DCC: variants seen among roughly 807,000 people sequenced by gnomAD.
DCC encodes DCC netrin 1 receptor, also known as netrin receptor DCC.
In DCC, 58 loss-of-function variants were observed where a neutral mutation model predicts 172.5. The ratio of observed to expected loss-of-function variants is 0.34; its 90% CI spans 0.27 to 0.42. The LOEUF (loss-of-function observed/expected upper bound fraction) is 0.42, where lower values mean the gene tolerates loss of function less well. DCC is among the 10% of genes least tolerant of loss of function. The pLI, the probability that DCC is intolerant of heterozygous loss-of-function variation, is 1.00. For synonymous variants in DCC, 709 were observed against 644.5 expected, an observed-to-expected ratio of 1.10 and a Z score of -1.52; for missense variants, 1,740 against 1,791.0, an observed-to-expected ratio of 0.97 and a Z score of 0.51.
chr18:53,496,046 G>A (rs964351178), intron 26 of DCC, among the ~76,000 whole-genome samples: 8 of 152,134 alleles, frequency 5.3e-5, no homozygotes, highest in Admixed American at 1.3e-4. Context: ...AGACCTAAAC[G>A]TCCCTGCCTG....
intron 2 of DCC, among the ~76,000 whole-genome samples, chr18:52,876,222 T>G (rs114928255): frequency 0.016 from 2,405 of 152,322 alleles, 46 homozygotes; most frequent in African/African-American, 0.041. Context: ...GTGGCCACTT[T>G]TCTGTTTTTA....
chr18:53,142,767 A>G (rs763112811), intron 7 of DCC, among the ~76,000 whole-genome samples: 7 of 152,298 alleles, frequency 4.6e-5, no homozygotes, highest in Non-Finnish European at 8.8e-5. Flanking sequence ...ACTACAGTCC[A>G]GTCTTTATTT....
At chr18:52,573,484 A>T (rs1332564853) in intron 1 of DCC, among the ~76,000 whole-genome samples, 1 of 152,238 alleles carries the variant, frequency 6.6e-6, no homozygotes, top group African/African-American at 2.4e-5. Flanking sequence ...TCTCACAACG[A>T]AATTAAAATG....
At chr18:52,755,151 A>G (rs1322335708) in intron 2 of DCC, among the ~76,000 whole-genome samples, 2 of 152,180 alleles carry the variant, frequency 1.3e-5, no homozygotes, top group Non-Finnish European at 2.9e-5. Context: ...TTCAGTCACT[A>G]GAGAATTTCT....
chr18:52,960,692 T>C (rs2040829121), intron 5 of DCC, among the ~76,000 whole-genome samples: 1 of 152,126 alleles, frequency 6.6e-6, no homozygotes, highest in Admixed American at 6.6e-5. Flanking sequence ...ACTGACTTCA[T>C]TAGCAAACTG....
At chr18:53,100,827 A>C (rs1488237332) in intron 7 of DCC, among the ~76,000 whole-genome samples, 1 of 152,136 alleles carries the variant, frequency 6.6e-6, no homozygotes, top group Non-Finnish European at 1.5e-5. Flanking sequence ...TTGCAAAAAA[A>C]ATGGGCAGAG....
rs150458149 is a variant in DCC at position 52,901,386 on chromosome 18, T to C, written c.413-4658T>C. 9.9e-5 allele frequency among the ~76,000 whole-genome samples: 15 copies of C among 152,138 alleles called. No individual in the cohort carries two copies. The South Asian group carries it at 2.5e-3, about 25-fold the overall frequency. Reference sequence around the variant, plus strand: ...GACAGGTTGCTATGAGCTGAGATCGTGCCAACACACTCCATCCTGGGCGAT... The same window carrying C: ...GACAGGTTGCTATGAGCTGAGATCGCGCCAACACACTCCATCCTGGGCGAT... On this transcript the variant is annotated intron_variant, in intron 2 of 28. Coordinates refer to ENST00000442544, the MANE Select transcript of DCC (RefSeq NM_005215.4).
At chr18:53,037,352 C>T (rs927869819) in intron 5 of DCC, among the ~76,000 whole-genome samples, 1 of 151,950 alleles carries the variant, frequency 6.6e-6, no homozygotes, top group African/African-American at 2.4e-5. Flanking sequence ...CAGAAAATGA[C>T]ATATATTGCC....
chr18:53,045,444 T>C (rs1335858918), intron 5 of DCC, among the ~76,000 whole-genome samples: 1 of 151,840 alleles, frequency 6.6e-6, no homozygotes, highest in Admixed American at 6.6e-5. Flanking sequence ...ATGTTTAGGG[T>C]TACAAATTAT....
chr18:52,972,085 A>AG (rs1758742686), intron 5 of DCC, among the ~76,000 whole-genome samples: 2 of 152,228 alleles, frequency 1.3e-5, no homozygotes. Context: ...AGAGATGTGA[A>AG]GAGAAAGGCA....
chr18:53,467,362 TAATA>T (rs745942658), intron 24 of DCC, among the ~76,000 whole-genome samples: 15 of 152,190 alleles, frequency 9.9e-5, no homozygotes, highest in Non-Finnish European at 1.8e-4. Flanking sequence ...TATGGAATCC[TAATA>T]AATTTATGTA....
At position 53,215,528 on chromosome 18, in the gene DCC, ATTTG is replaced by A. The variant is rs1568370206; in HGVS notation, c.1862-15_1862-12del. On this transcript the variant is annotated splice_polypyrimidine_tract_variant and intron_variant, in intron 11 of 28. Coordinates refer to ENST00000442544, the MANE Select transcript of DCC (RefSeq NM_005215.4). The stretch of plus-strand genomic sequence containing the variant: ...CAAGATTTTGGCAGTAACTGTGACA[ATTTG>A]TTTGATTCCTTTTAGTGCCAAGTGC... 2 of 1,611,198 alleles carry A rather than the reference ATTTG, an allele frequency of 1.2e-6. No homozygotes were observed. Among genetic ancestry groups the A allele is most frequent in the African/African-American group, 1.3e-5 (1 of 74,878 alleles).
chr18:52,868,756 C>T (rs575278321), intron 2 of DCC, among the ~76,000 whole-genome samples: 42 of 152,200 alleles, frequency 2.8e-4, no homozygotes, highest in Non-Finnish European at 4.7e-4. Context: ...ACACTACTGG[C>T]CTGAACCCCC....
rs1246910552 is a variant in DCC at position 53,395,111 on chromosome 18, T to C, written c.2689-2197T>C. 2.2e-4 allele frequency among the ~76,000 whole-genome samples: 33 copies of C among 148,880 alleles called. 1 individual carries two copies. Among genetic ancestry groups the C allele is most frequent in the Non-Finnish European group, 1.5e-5 (1 of 67,676 alleles). On this transcript the variant is annotated intron_variant, in intron 17 of 28. Coordinates refer to ENST00000442544, the MANE Select transcript of DCC (RefSeq NM_005215.4). Reference sequence around the variant, plus strand: ...GTTGCAGCGAGCCAAGATCGTGCCATTGCACTCCAGCCTGAGTGACAAGCA... The same window carrying C: ...GTTGCAGCGAGCCAAGATCGTGCCACTGCACTCCAGCCTGAGTGACAAGCA...
chr18:52,891,785 T>C (rs1415153309), intron 2 of DCC, among the ~76,000 whole-genome samples: 1 of 152,074 alleles, frequency 6.6e-6, no homozygotes, highest in Non-Finnish European at 1.5e-5. Flanking sequence ...AGCTAGACTT[T>C]CTCCTTTCTT....
chr18:52,613,259 T>G (rs2034308171), intron 1 of DCC, among the ~76,000 whole-genome samples: 1 of 152,156 alleles, frequency 6.6e-6, no homozygotes, highest in South Asian at 2.1e-4. Flanking sequence ...TTTTTCTTGT[T>G]TTGTTTTTGT....
intron 15 of DCC, among the ~76,000 whole-genome samples, chr18:53,363,090 G>C (rs150237425): frequency 6.6e-6 from 1 of 152,284 alleles, no homozygotes; most frequent in Non-Finnish European, 1.5e-5. Flanking sequence ...TAAGGGACTT[G>C]TACCAAATCC....
chr18:53,354,733 C>A (rs1274229007), intron 15 of DCC, among the ~76,000 whole-genome samples: 18 of 149,788 alleles, frequency 1.2e-4, no homozygotes, highest in Non-Finnish European at 2.5e-4. Context: ...ATGGTAGTTT[C>A]TTTTGCTGTG....
intron 2 of DCC, among the ~76,000 whole-genome samples, chr18:52,780,231 T>G (rs74542236): frequency 0.053 from 8,037 of 152,220 alleles, 284 homozygotes; most frequent in South Asian, 0.16. Context: ...TATGTAGTTA[T>G]ACAAATTGAC....
Sources: gnomAD v4.1 joint callset for allele counts (sites outside exome capture counted in the v4.1 genomes callset) on GRCh38, gnomAD v4.1.1 for gene constraint, MANE v1.5 for transcripts, NCBI Gene and HGNC (gene_info 2026-07-23, HGNC 2026-07-21) for gene names.